Variants in USP12 observed in about 807,000 individuals in gnomAD.
USP12 encodes ubiquitin carboxyl-terminal hydrolase 12.
In USP12, 19 loss-of-function variants were observed where a neutral mutation model predicts 45.5. The ratio of observed to expected loss-of-function variants is 0.42; its 90% CI spans 0.29 to 0.61. The LOEUF is 0.61. Among genes scored for constraint, USP12 ranks in the 20% least tolerant of loss-of-function variants. The probability of loss-of-function intolerance (pLI) is 0.22; values close to 1 mark genes in which losing one functional copy is unlikely to be tolerated. For synonymous variants in USP12, 149 were observed against 148.8 expected, an observed-to-expected ratio of 1.00 and a Z score of -0.01; for missense variants, 242 against 447.7, an observed-to-expected ratio of 0.54 and a Z score of 4.15.
chr13:27,095,666 T>C lies in USP12; in HGVS notation c.508A>G (p.Thr170Ala), dbSNP rs369691146. The C allele has an allele frequency of 3.1e-6, 5 of 1,612,466 alleles. No individual in the cohort carries two copies. The highest frequency in any genetic ancestry group is 1.7e-5 in the Admixed American group (1 of 59,868). Residue 170 changes from threonine to alanine, a missense_variant, in exon 4 of 9, where the codon ACG becomes GCG. Coordinates refer to ENST00000282344, the MANE Select transcript of USP12 (RefSeq NM_182488.4). The part of the protein sequence containing the change: ...NENNNSTPDP[T>A]WVHEIFQGTL... ...CCCTGAAAAATCTCATGAACCCACG[T>C]TGGGTCTGGTGTGCTGTTATTATTT... is the stretch of plus-strand genomic sequence containing the variant.
intron 1 of USP12, among the ~76,000 whole-genome samples, chr13:27,119,250 C>T (rs935619519): frequency 1.3e-5 from 2 of 152,018 alleles, no homozygotes; most frequent in South Asian, 2.1e-4. Flanking sequence ...AGCTATAATA[C>T]AAAAAAATAG....
intron 2 of USP12, 110 bp downstream of exon 2, chr13:27,116,406 A>T: frequency 1.1e-6 from 1 of 927,538 alleles, no homozygotes; most frequent in Non-Finnish European, 1.5e-6. Flanking sequence ...TTAGCATTTA[A>T]TTCTATTAAT....
At chr13:27,150,738 G>T (rs550477881) in intron 1 of USP12, among the ~76,000 whole-genome samples, 18 of 152,114 alleles carry the variant, frequency 1.2e-4, no homozygotes, top group Non-Finnish European at 2.2e-4. Context: ...TTAAAATTGA[G>T]GATCCAGAAA....
At chr13:27,153,636 A>C (rs1338145427) in intron 1 of USP12, among the ~76,000 whole-genome samples, 3 of 152,128 alleles carry the variant, frequency 2.0e-5, no homozygotes, top group Non-Finnish European at 2.9e-5. Flanking sequence ...AGTCACCCTC[A>C]TGGAGCTCAC....
intron 6 of USP12, among the ~76,000 whole-genome samples, chr13:27,080,189 GGAA>G (rs1456239587): frequency 6.6e-6 from 1 of 152,164 alleles, no homozygotes; most frequent in Non-Finnish European, 1.5e-5. Context: ...CTCAACAGAT[GGAA>G]GGACCCACCC....
At chr13:27,090,521 A>G (rs1205922855) in intron 4 of USP12, among the ~76,000 whole-genome samples, 2 of 152,188 alleles carry the variant, frequency 1.3e-5, no homozygotes, top group African/African-American at 4.8e-5. Flanking sequence ...TGCTTCACAC[A>G]GGACAGGATA....
At chr13:27,170,391 T>C in intron 1 of USP12, 2 of 398,526 alleles carry the variant, frequency 5.0e-6, no homozygotes, top group Non-Finnish European at 8.8e-6. Context: ...GGATCTCCTA[T>C]ATGAAATCAG....
At chr13:27,163,527 A>G (rs1176516253) in intron 1 of USP12, among the ~76,000 whole-genome samples, 4 of 152,194 alleles carry the variant, frequency 2.6e-5, no homozygotes, top group African/African-American at 9.7e-5. Flanking sequence ...CCAATAAGAA[A>G]AACATCTCAT....
In USP12 at chr13:27,123,486, G is replaced by A. The variant is rs148995159; in HGVS notation, c.49-6890C>T. On this transcript the variant is annotated intron_variant, in intron 1 of 8. Transcript: ENST00000282344. ...AATAGCCATCCAATACTAAGAATTTGTAGGCTGATATAGTTTGGCTGTGTC... is the reference window on the plus strand; with the variant it reads ...AATAGCCATCCAATACTAAGAATTTATAGGCTGATATAGTTTGGCTGTGTC... Among the ~76,000 whole-genome samples, 238 of 152,342 alleles carry A rather than the reference G, an allele frequency of 1.6e-3. 1 individual carries two copies. The highest frequency in any genetic ancestry group is 5.4e-3 in the African/African-American group (224 of 41,574).
intron 1 of USP12, among the ~76,000 whole-genome samples, chr13:27,122,612 A>G (rs1226704117): frequency 2.0e-5 from 3 of 152,108 alleles, no homozygotes; most frequent in Admixed American, 6.5e-5. Flanking sequence ...GGAGTGTGCC[A>G]CTACACCCCA....
rs1877928677 is a variant in USP12 at position 27,158,252 on chromosome 13, T to C, written c.48+13340A>G. Among the ~76,000 whole-genome samples the C allele has an allele frequency of 6.6e-5, 10 of 151,994 alleles. No individual in the cohort carries two copies. In the South Asian group the frequency reaches 1.7e-3, roughly 25 times the overall value. On this transcript the variant is annotated intron_variant, in intron 1 of 8. Coordinates refer to ENST00000282344, the MANE Select transcript of USP12 (RefSeq NM_182488.4). Reference sequence around the variant, plus strand: ...AGACAGAGACACAGGGAGAATGCCATGTGAAAAGATTGGAATGATGCATCC... The same window carrying C: ...AGACAGAGACACAGGGAGAATGCCACGTGAAAAGATTGGAATGATGCATCC...
chr13:27,160,896 C>G (rs905882377), intron 1 of USP12, among the ~76,000 whole-genome samples: 1 of 151,974 alleles, frequency 6.6e-6, no homozygotes. Context: ...CAACCCATCT[C>G]CCCGGGTTAA....
At chr13:27,126,749 A>G (rs1169017590) in intron 1 of USP12, among the ~76,000 whole-genome samples, 1 of 152,244 alleles carries the variant, frequency 6.6e-6, no homozygotes, top group Non-Finnish European at 1.5e-5. Flanking sequence ...GCACTACTGT[A>G]GAGTTACCAA....
chr13:27,080,820 G>A (rs981380312), intron 6 of USP12, among the ~76,000 whole-genome samples: 7 of 152,150 alleles, frequency 4.6e-5, no homozygotes, highest in African/African-American at 4.8e-5. Flanking sequence ...ATACTGTAGT[G>A]TATTATGTAA....
At chr13:27,087,912 G>T (rs981240753) in intron 6 of USP12, among the ~76,000 whole-genome samples, 1 of 152,180 alleles carries the variant, frequency 6.6e-6, no homozygotes, top group Non-Finnish European at 1.5e-5. Flanking sequence ...GATTTTAAAA[G>T]TGAATAAAAT....
chr13:27,071,252 T>TA, intron 7 of USP12, 103 bp from the exon 8 acceptor site: 1 of 1,008,730 alleles, frequency 9.9e-7, no homozygotes, highest in Non-Finnish European at 1.4e-6. Flanking sequence ...TAAATAGCAG[T>TA]AAAAAAGAAC....
intron 1 of USP12, among the ~76,000 whole-genome samples, chr13:27,139,750 T>G (rs1242921911): frequency 6.6e-6 from 1 of 152,222 alleles, no homozygotes; most frequent in African/African-American, 2.4e-5. Flanking sequence ...CACATACAAG[T>G]GCTAACATGT....
At chr13:27,142,595 G>A (rs776565796) in intron 1 of USP12, among the ~76,000 whole-genome samples, 3 of 152,062 alleles carry the variant, frequency 2.0e-5, no homozygotes, top group African/African-American at 4.8e-5. Context: ...ACTGGATTTG[G>A]GTAAAAGGTA....
intron 6 of USP12, among the ~76,000 whole-genome samples, chr13:27,084,169 T>TACATACACACACACACACACACAC: frequency 7.0e-6 from 1 of 142,510 alleles, no homozygotes; most frequent in African/African-American, 2.7e-5. Flanking sequence ...CATGTTTGCA[T>TACATACACACACACACACACACAC]ACACACACAC....
Sources: gnomAD v4.1 joint callset for allele counts (sites outside exome capture counted in the v4.1 genomes callset) on GRCh38, gnomAD v4.1.1 for gene constraint, MANE v1.5 for transcripts, NCBI Gene and HGNC (gene_info 2026-07-23, HGNC 2026-07-21) for gene names.